UBE2E1: variants seen among roughly 807,000 people sequenced by gnomAD.
UBE2E1 encodes ubiquitin-conjugating enzyme E2 E1.
UBE2E1 carries 6 observed loss-of-function variants against 21.4 expected under a neutral mutation model. The observed-to-expected ratio is 0.28, with a 90% CI of 0.15 to 0.55. The LOEUF is 0.55. Among genes scored for constraint, UBE2E1 ranks in the 20% least tolerant of loss-of-function variants. The pLI, the probability that UBE2E1 is intolerant of heterozygous loss-of-function variation, is 0.93. For missense variants in UBE2E1, 142 were observed against 236.5 expected (o/e 0.60, Z 2.62); for synonymous variants, 87 against 82.7 (o/e 1.05, Z -0.28).
chr3:23,820,549 A>C (rs915846740), intron 3 of UBE2E1, among the ~76,000 whole-genome samples: 3 of 152,158 alleles, frequency 2.0e-5, no homozygotes, highest in Non-Finnish European at 4.4e-5. Flanking sequence ...ACAGCAAACC[A>C]TTGGGGCAGT....
chr3:23,880,358 G>A (rs973645791), intron 3 of UBE2E1, among the ~76,000 whole-genome samples: 1 of 152,192 alleles, frequency 6.6e-6, no homozygotes, highest in African/African-American at 2.4e-5. Flanking sequence ...ACTCTAGCCT[G>A]GATGACACAA....
intron 3 of UBE2E1, among the ~76,000 whole-genome samples, chr3:23,825,938 A>C (rs1699748868): frequency 6.6e-6 from 1 of 152,030 alleles, no homozygotes; most frequent in Non-Finnish European, 1.5e-5. Context: ...CTGTTAGGAG[A>C]CTGAGGCTGG....
chr3:23,882,682 C>CG (rs1324378067), intron 3 of UBE2E1, among the ~76,000 whole-genome samples: 5 of 152,218 alleles, frequency 3.3e-5, no homozygotes, highest in Non-Finnish European at 7.3e-5. Context: ...CCCTGCCCCA[C>CG]GGGGAGGCAG....
At chr3:23,849,546 C>T (rs1275870816) in intron 3 of UBE2E1, among the ~76,000 whole-genome samples, 1 of 152,134 alleles carries the variant, frequency 6.6e-6, no homozygotes, top group Non-Finnish European at 1.5e-5. Flanking sequence ...TGTGATGTTT[C>T]CCTCCCTGTG....
intron 3 of UBE2E1, among the ~76,000 whole-genome samples, chr3:23,837,120 A>G (rs1699989340): frequency 6.6e-6 from 1 of 152,208 alleles, no homozygotes; most frequent in Non-Finnish European, 1.5e-5. Context: ...TGCCTACCTC[A>G]TAGAGTTTTT....
chr3:23,851,428 T>G (rs1476298404), intron 3 of UBE2E1, among the ~76,000 whole-genome samples: 8 of 152,158 alleles, frequency 5.3e-5, no homozygotes, highest in Non-Finnish European at 1.0e-4. Flanking sequence ...GTTTTTCATT[T>G]TGTTTTTTTT....
intron 3 of UBE2E1, among the ~76,000 whole-genome samples, chr3:23,862,018 A>G (rs1045485745): frequency 1.3e-5 from 2 of 152,230 alleles, no homozygotes; most frequent in Admixed American, 1.3e-4. Context: ...ACATATGCCC[A>G]CTGGGGCTTC....
chr3:23,871,022 G>A (rs1432876741), intron 3 of UBE2E1, among the ~76,000 whole-genome samples: 1 of 152,096 alleles, frequency 6.6e-6, no homozygotes, highest in Non-Finnish European at 1.5e-5. Context: ...AGGATCCCAA[G>A]GCAGAAGAAT....
At chr3:23,886,263 A>G (rs1260230517) in intron 3 of UBE2E1, among the ~76,000 whole-genome samples, 3 of 152,228 alleles carry the variant, frequency 2.0e-5, no homozygotes, top group Non-Finnish European at 4.4e-5. Context: ...ACAAAGAGAT[A>G]TTAAAGAATT....
At position 23,823,786 on chromosome 3, in the gene UBE2E1, C is replaced by T. The variant is rs1021771403; in HGVS notation, c.203+12276C>T. Among the ~76,000 whole-genome samples, 3 of 152,196 alleles carry T rather than the reference C, an allele frequency of 2.0e-5. No homozygotes were observed. Among genetic ancestry groups the T allele is most frequent in the Non-Finnish European group, 4.4e-5 (3 of 68,038 alleles). On this transcript the variant is annotated intron_variant, in intron 3 of 5. Transcript: ENST00000306627. The surrounding 1 kb of genome is among the most constrained non-coding windows in gnomAD (Gnocchi z 4.2). ...TTAAGTGATTATAGTAATGTGTGTG[C>T]AGAGACTGGCAGTAAAGTTAGCAGC...
chr3:23,847,074 G>A (rs577918502), intron 3 of UBE2E1, among the ~76,000 whole-genome samples: 2 of 152,190 alleles, frequency 1.3e-5, no homozygotes, highest in South Asian at 2.1e-4. Context: ...TAAATTTGAT[G>A]GAATGGTCTT....
rs567414512 is a variant in UBE2E1, at chr3:23,823,430, A to G, written c.203+11920A>G. Among the ~76,000 whole-genome samples, 4 of 152,364 alleles carry G rather than the reference A, an allele frequency of 2.6e-5. No individual in the cohort carries two copies. In the South Asian group the frequency reaches 6.2e-4, roughly 24 times the overall value. On this transcript the variant is annotated intron_variant, in intron 3 of 5. Coordinates refer to ENST00000306627, the MANE Select transcript of UBE2E1 (RefSeq NM_003341.5). The surrounding 1 kb of genome is among the most constrained non-coding windows in gnomAD (Gnocchi z 4.2). ...AACTGCCAGAGACAAGCAACAAATA[A>G]TATGTGGAACCACAACTGTTTTGGC...
intron 3 of UBE2E1, among the ~76,000 whole-genome samples, chr3:23,886,247 C>A (rs1265720579): frequency 1.3e-5 from 2 of 152,188 alleles, no homozygotes; most frequent in African/African-American, 4.8e-5. Flanking sequence ...TTTGGTAATA[C>A]CCATCACAAA....
At chr3:23,885,355 T>C (rs1290287897) in intron 3 of UBE2E1, among the ~76,000 whole-genome samples, 4 of 152,280 alleles carry the variant, frequency 2.6e-5, no homozygotes, top group South Asian at 2.1e-4. Flanking sequence ...GGCAAACTTA[T>C]GATGACCAAG....
chr3:23,879,494 C>A, intron 3 of UBE2E1: 1 of 325,352 alleles, frequency 3.1e-6, no homozygotes. Context: ...TAGTCCATTT[C>A]CCAATTTCCC....
intron 2 of UBE2E1, 74 bp from the exon 3 acceptor site, chr3:23,811,386 C>A (rs1699388328): frequency 6.2e-6 from 9 of 1,448,012 alleles, no homozygotes; most frequent in Non-Finnish European, 8.7e-6. Context: ...ATCTGCAGAC[C>A]TGCACGCTAC....
intron 1 of UBE2E1, 109 bp from the exon 2 acceptor site, chr3:23,807,128 G>A (rs1012686833): frequency 1.0e-4 from 88 of 858,494 alleles, no homozygotes; most frequent in Non-Finnish European, 1.4e-4. Context: ...GGAGGGCGGT[G>A]GGCGGCCGCG....
At chr3:23,867,246 A>C (rs1398894651) in intron 3 of UBE2E1, among the ~76,000 whole-genome samples, 1 of 152,196 alleles carries the variant, frequency 6.6e-6, no homozygotes, top group Non-Finnish European at 1.5e-5. Flanking sequence ...TTTGTGAAGG[A>C]ACTTTGAAAA....
intron 3 of UBE2E1, among the ~76,000 whole-genome samples, chr3:23,818,167 T>C (rs1215665704): frequency 6.6e-6 from 1 of 152,118 alleles, no homozygotes; most frequent in Non-Finnish European, 1.5e-5. Context: ...TTGGGGAAGT[T>C]GGTGGTGCAT....
Sources: allele counts gnomAD v4.1 joint callset (sites outside exome capture counted in the v4.1 genomes callset), GRCh38; gene constraint gnomAD v4.1.1; non-coding constraint Gnocchi (gnomAD v3.1); transcripts MANE v1.5; gene names NCBI Gene and HGNC (gene_info 2026-07-23, HGNC 2026-07-21).